NECTIN1: variants seen among roughly 807,000 people sequenced by gnomAD.
The protein encoded by NECTIN1 is nectin-1.
A neutral mutation model predicts 48.0 loss-of-function variants in NECTIN1; 23 were observed. The ratio of observed to expected loss-of-function variants is 0.48; its 90% confidence interval spans 0.34 to 0.68. The LOEUF (loss-of-function observed/expected upper bound fraction) is 0.68, where lower values mean the gene tolerates loss of function less well. NECTIN1 is among the 30% of genes least tolerant of loss of function. NECTIN1 has a pLI of 0.01. For missense variants in NECTIN1, 591 were observed against 709.9 expected, an observed-to-expected ratio of 0.83 and a Z score of 1.90; for synonymous variants, 270 against 288.9, an observed-to-expected ratio of 0.93 and a Z score of 0.66.
chr11:119,669,616 C>T (rs183944189), intron 5 of NECTIN1, among the ~76,000 whole-genome samples: 55 of 152,268 alleles, frequency 3.6e-4, no homozygotes, highest in Non-Finnish European at 6.2e-4. Flanking sequence ...CATATCTGCT[C>T]AGAGCCCTCC....
At chr11:119,699,671 G>A (rs1486616503) in intron 1 of NECTIN1, among the ~76,000 whole-genome samples, 3 of 152,232 alleles carry the variant, frequency 2.0e-5, no homozygotes, top group African/African-American at 4.8e-5. Context: ...AGGGCCTTTT[G>A]AAAGACGCTC....
At chr11:119,675,107 T>G (rs1864924045) in intron 5 of NECTIN1, 52 bp downstream of exon 5, 1 of 1,606,174 alleles carries the variant, frequency 6.2e-7, no homozygotes, top group Non-Finnish European at 8.5e-7. Context: ...GGGATGCAGG[T>G]GGCGAAGGAA....
intron 1 of NECTIN1, among the ~76,000 whole-genome samples, chr11:119,690,506 G>A (rs2135561621): frequency 6.6e-6 from 1 of 152,288 alleles, no homozygotes; most frequent in Non-Finnish European, 1.5e-5. Context: ...TTAAAGTTGA[G>A]TTTTCTCTTG....
In NECTIN1 at chr11:119,677,471, A is replaced by G. The variant is rs1290170054; in HGVS notation, c.733+84T>C. On this transcript the variant is annotated intron_variant, in intron 3 of 5. Transcript: ENST00000264025. The surrounding 1 kb of genome is among the most constrained non-coding windows in gnomAD (Gnocchi z 5.4). Reference sequence around the variant, plus strand: ...GGGAGAAGAAAGCACCCCCAGAAAGAGAAAGGGAGGAGAAAGGAGAGGAGG... The same window carrying G: ...GGGAGAAGAAAGCACCCCCAGAAAGGGAAAGGGAGGAGAAAGGAGAGGAGG... 1 of 1,485,612 alleles carries G rather than the reference A, an allele frequency of 6.7e-7. No individual in the cohort carries two copies. The highest frequency in any genetic ancestry group is 2.3e-5 in the East Asian group (1 of 44,216). The allele number at this position is 1,485,612 out of a possible 1,614,324, so 92.0% of individuals were successfully genotyped here. A position where few individuals can be genotyped will look rare whatever the true frequency, so the allele number is the denominator to read the frequency against.
intron 1 of NECTIN1, among the ~76,000 whole-genome samples, chr11:119,721,864 C>T (rs1243140575): frequency 6.6e-6 from 1 of 152,248 alleles, no homozygotes; most frequent in Non-Finnish European, 1.5e-5. Flanking sequence ...CTATTCTACA[C>T]CAACCTGGGC....
chr11:119,715,275 A>G (rs1865726166), intron 1 of NECTIN1, among the ~76,000 whole-genome samples: 1 of 152,186 alleles, frequency 6.6e-6, no homozygotes, highest in South Asian at 2.1e-4. Flanking sequence ...GCAGGGAGGT[A>G]CCTTCAGCTG....
rs890856487 is a variant in NECTIN1 at position 119,678,244 on chromosome 11, A to T, written c.430+171T>A. 1.3e-5 allele frequency among the ~76,000 whole-genome samples: 2 copies of T among 152,170 alleles called. No individual in the cohort carries two copies. Among genetic ancestry groups the T allele is most frequent in the African/African-American group, 4.8e-5 (2 of 41,438 alleles). Reference sequence around the variant, plus strand: ...AGATAAGCCCCTGCCCCTAATCCCTAGTGAATTGTGGGGTGGCCTGGCTAG... The same window carrying T: ...AGATAAGCCCCTGCCCCTAATCCCTTGTGAATTGTGGGGTGGCCTGGCTAG... On this transcript the variant is annotated intron_variant, in intron 2 of 5. Coordinates refer to ENST00000264025, the MANE Select transcript of NECTIN1 (RefSeq NM_002855.5). This position sits in a 1 kb window ranked among gnomAD's most constrained non-coding sequence, Gnocchi z 4.4.
At chr11:119,642,125 GTGAA>G (rs1026048123) in intron 5 of NECTIN1, 3 of 152,024 alleles carry the variant, frequency 2.0e-5, no homozygotes, top group East Asian at 1.9e-4. Context: ...AGTAAGTGTG[GTGAA>G]TGAATGAAGG....
intron 1 of NECTIN1, among the ~76,000 whole-genome samples, chr11:119,704,723 C>A (rs1168495611): frequency 1.3e-5 from 2 of 152,122 alleles, no homozygotes; most frequent in Non-Finnish European, 2.9e-5. Context: ...ATGAAGCAGG[C>A]CTTGGTGGAG....
intron 1 of NECTIN1, among the ~76,000 whole-genome samples, chr11:119,686,195 C>T (rs189097939): frequency 7.2e-4 from 110 of 152,308 alleles, no homozygotes; most frequent in Non-Finnish European, 9.8e-4. Context: ...TTTCCAGCCC[C>T]GCTGGTCCTG....
At chr11:119,645,741 G>C (rs1378953966) in intron 5 of NECTIN1, among the ~76,000 whole-genome samples, 1 of 152,172 alleles carries the variant, frequency 6.6e-6, no homozygotes, top group African/African-American at 2.4e-5. Flanking sequence ...CGTCACACGT[G>C]GGGGTTGTGG....
rs2135542131 is a variant in NECTIN1 at position 119,664,585 on chromosome 11, G to A, written c.*162C>T. The A allele has an allele frequency of 7.0e-7, 1 of 1,438,220 alleles. No individual in the cohort carries two copies. Among genetic ancestry groups the A allele is most frequent in the East Asian group, 2.5e-5 (1 of 39,818 alleles). The allele number at this position is 1,438,220 out of a possible 1,614,324, so 89.1% of individuals were successfully genotyped here. A position where few individuals can be genotyped will look rare whatever the true frequency, so the allele number is the denominator to read the frequency against. On this transcript the variant is annotated 3_prime_UTR_variant, in exon 6 of 6. Transcript: ENST00000264025. ...GAAATAAAACACAAAGCCAAGTCGT[G>A]GCTGCCCTGGGCTCCCCTGGCCCCC...
At chr11:119,654,864 C>T (rs1430383157) in intron 5 of NECTIN1, among the ~76,000 whole-genome samples, 1 of 149,332 alleles carries the variant, frequency 6.7e-6, no homozygotes, top group African/African-American at 2.5e-5. Flanking sequence ...CCACTGTGCC[C>T]GGCCCAGGGA....
At chr11:119,707,037 C>T (rs377617418) in intron 1 of NECTIN1, among the ~76,000 whole-genome samples, 4 of 152,316 alleles carry the variant, frequency 2.6e-5, no homozygotes, top group African/African-American at 4.8e-5. Context: ...TATCATTTGC[C>T]TTCTGGTAGC....
rs1459034356 is a variant in NECTIN1 at position 119,673,505 on chromosome 11, C to T, written c.1003+1654G>A. Reference sequence around the variant, plus strand: ...CACCACGCAGGGAGTACTGCATGATCGTAAGAAGCCTGAGACAAGTGTGAG... The same window carrying T: ...CACCACGCAGGGAGTACTGCATGATTGTAAGAAGCCTGAGACAAGTGTGAG... On this transcript the variant is annotated intron_variant, in intron 5 of 5. Coordinates refer to ENST00000264025, the MANE Select transcript of NECTIN1 (RefSeq NM_002855.5). This position sits in a 1 kb window ranked among gnomAD's most constrained non-coding sequence, Gnocchi z 5.8. Among the ~76,000 whole-genome samples, 1 of 152,144 alleles carries T rather than the reference C, an allele frequency of 6.6e-6. No individual in the cohort carries two copies. The highest frequency in any genetic ancestry group is 6.5e-5 in the Admixed American group (1 of 15,282).
At chr11:119,704,439 A>G (rs1387889081) in intron 1 of NECTIN1, among the ~76,000 whole-genome samples, 1 of 151,388 alleles carries the variant, frequency 6.6e-6, no homozygotes, top group East Asian at 1.9e-4. Flanking sequence ...CTGGTCTAGA[A>G]CTCCTGACCT....
Position 119,677,711 on chromosome 11 carries a change from C to A in NECTIN1, c.577G>T (p.Ala193Ser). ...VSWETRLKGE[A>S]EYQEIRNPNG... ...GGGTTCCGGATCTCCTGGTACTCTGCCTCACCTTTTAACCGAGTTTCCCAG... is the reference window on the plus strand; with the variant it reads ...GGGTTCCGGATCTCCTGGTACTCTGACTCACCTTTTAACCGAGTTTCCCAG... The change falls in exon 3 of 6, where the codon GCA becomes TCA. Residue 193 changes from alanine (A) to serine (S), a missense_variant. Transcript: ENST00000264025. This position sits in a 1 kb window ranked among gnomAD's most constrained non-coding sequence, Gnocchi z 5.4. 1 of 1,614,150 alleles carries A rather than the reference C, an allele frequency of 6.2e-7. No homozygotes were observed. The highest frequency in any genetic ancestry group is 8.5e-7 in the Non-Finnish European group (1 of 1,180,022).
intron 4 of NECTIN1, 153 bp from the exon 5 acceptor site, chr11:119,675,463 C>G: frequency 1.4e-6 from 1 of 695,068 alleles, no homozygotes; most frequent in Non-Finnish European, 2.5e-6. Flanking sequence ...TAATAATAAT[C>G]TCTTTCACTT....
At position 119,678,838 on chromosome 11, in the gene NECTIN1, C is replaced by G. The variant is rs1865010678; in HGVS notation, c.80-73G>C. 4 of 1,001,334 alleles carry G rather than the reference C, an allele frequency of 4.0e-6. No individual in the cohort carries two copies. Among genetic ancestry groups the G allele is most frequent in the Non-Finnish European group, 6.2e-6 (4 of 646,658 alleles). 62.0% of individuals were successfully genotyped at this position (1,001,334 alleles called of 1,614,324 possible). A position where few individuals can be genotyped will look rare whatever the true frequency, so the allele number is the denominator to read the frequency against. On this transcript the variant is annotated intron_variant, in intron 1 of 5. Transcript: ENST00000264025. This position sits in a 1 kb window ranked among gnomAD's most constrained non-coding sequence, Gnocchi z 4.4. Reference sequence around the variant, plus strand: ...CCCCACCCACACAGTTCCCTGTGCTCTGGCCTTGTCTTTTATAGCAGTCAT... The same window carrying G: ...CCCCACCCACACAGTTCCCTGTGCTGTGGCCTTGTCTTTTATAGCAGTCAT...
Sources: gnomAD v4.1 joint callset for allele counts (sites outside exome capture counted in the v4.1 genomes callset) on GRCh38, gnomAD v4.1.1 for gene constraint, Gnocchi (gnomAD v3.1) non-coding constraint, MANE v1.5 for transcripts, NCBI Gene and HGNC (gene_info 2026-07-23, HGNC 2026-07-21) for gene names.